MAD1L1: variants seen among roughly 807,000 people sequenced by gnomAD.
The protein encoded by MAD1L1 is mitotic arrest deficient 1 like 1.
A neutral mutation model predicts 96.9 loss-of-function variants in MAD1L1; 95 were observed. The observed-to-expected ratio is 0.98, with a 90% confidence interval of 0.83 to 1.16. The LOEUF (loss-of-function observed/expected upper bound fraction) is 1.16. MAD1L1 is among the 50% of genes most tolerant of loss of function. MAD1L1 has a pLI of 0.00. For synonymous variants in MAD1L1, 473 were observed against 396.6 expected (o/e 1.19, Z -2.29); for missense variants, 1,007 against 954.4 (o/e 1.06, Z -0.73).
chr7:1,921,834 A>T (rs992138990), intron 17 of MAD1L1, among the ~76,000 whole-genome samples: 10 of 152,230 alleles, frequency 6.6e-5, no homozygotes, highest in Non-Finnish European at 1.0e-4. Flanking sequence ...CTGGAAAAAA[A>T]ATCAATTTAG....
chr7:1,850,230 C>A (rs747958118), intron 18 of MAD1L1, among the ~76,000 whole-genome samples: 1 of 152,144 alleles, frequency 6.6e-6, no homozygotes, highest in Non-Finnish European at 1.5e-5. Context: ...CAGGACGGAA[C>A]CGACAGGCGC....
chr7:2,154,520 T>C (rs1789729146), intron 10 of MAD1L1, among the ~76,000 whole-genome samples: 1 of 152,154 alleles, frequency 6.6e-6, no homozygotes, highest in South Asian at 2.1e-4. Flanking sequence ...TGATAAATAC[T>C]CAAAGTGATG....
intron 14 of MAD1L1, among the ~76,000 whole-genome samples, chr7:1,983,767 A>G (rs1385490644): frequency 6.6e-6 from 1 of 152,210 alleles, no homozygotes. Flanking sequence ...TGCTCAGTCA[A>G]TAGCTCCAGG....
At chr7:2,220,874 T>G in intron 5 of MAD1L1, 1 of 1,604,762 alleles carries the variant, frequency 6.2e-7, no homozygotes, top group Non-Finnish European at 8.5e-7. Flanking sequence ...CGAACTCAAT[T>G]AATACGCACC....
At chr7:1,956,811 C>A (rs1779747958) in intron 16 of MAD1L1, among the ~76,000 whole-genome samples, 1 of 152,270 alleles carries the variant, frequency 6.6e-6, no homozygotes, top group African/African-American at 2.4e-5. Flanking sequence ...CCACACCCCT[C>A]ACCTCATTCA....
intron 18 of MAD1L1, among the ~76,000 whole-genome samples, chr7:1,839,020 C>T (rs1287018810): frequency 6.6e-6 from 1 of 152,174 alleles, no homozygotes; most frequent in African/African-American, 2.4e-5. Flanking sequence ...CCAGTCCCAG[C>T]TCATATGGCC....
At chr7:1,989,901 G>A (rs1162747460) in intron 14 of MAD1L1, among the ~76,000 whole-genome samples, 1 of 152,206 alleles carries the variant, frequency 6.6e-6, no homozygotes, top group Non-Finnish European at 1.5e-5. Flanking sequence ...TCATGCTAAT[G>A]GTCCTTGTGG....
intron 18 of MAD1L1, among the ~76,000 whole-genome samples, chr7:1,826,873 C>T (rs952546071): frequency 6.6e-5 from 10 of 152,182 alleles, no homozygotes; most frequent in Non-Finnish European, 1.0e-4. Context: ...TTTATCTTCC[C>T]GGCGAGGGTG....
At chr7:2,174,184 C>T (rs191052196) in intron 10 of MAD1L1, among the ~76,000 whole-genome samples, 71 of 152,290 alleles carry the variant, frequency 4.7e-4, no homozygotes, top group African/African-American at 1.6e-3. Flanking sequence ...CTCTCTCATG[C>T]GACTGTTAGT....
At chr7:2,160,876 TATATTGC>T (rs1790075309) in intron 10 of MAD1L1, among the ~76,000 whole-genome samples, 1 of 152,140 alleles carries the variant, frequency 6.6e-6, no homozygotes, top group Non-Finnish European at 1.5e-5. Flanking sequence ...ATTGCAACCT[TATATTGC>T]AGAATCAGGT....
chr7:2,142,868 T>G lies in MAD1L1; in HGVS notation c.1073+6284A>C, dbSNP rs547518212. Among the ~76,000 whole-genome samples, 2 of 152,314 alleles carry G rather than the reference T, an allele frequency of 1.3e-5. No homozygotes were observed. Among genetic ancestry groups the G allele is most frequent in the East Asian group, 3.9e-4 (2 of 5,178 alleles). ...CAGGCCAGAACTGGCCATCCCGATG[T>G]GCTCTCTCACCCACACTGATCCACG... On this transcript the variant is annotated intron_variant, in intron 11 of 18. Coordinates refer to ENST00000265854, the MANE Select transcript of MAD1L1 (RefSeq NM_001013836.2). The surrounding 1 kb of genome is among the most constrained non-coding windows in gnomAD (Gnocchi z 4.7).
chr7:1,939,025 G>GCACACACA (rs1562542997), intron 16 of MAD1L1, among the ~76,000 whole-genome samples: 5 of 95,962 alleles, frequency 5.2e-5, no homozygotes, highest in African/African-American at 2.3e-4. Context: ...ACACACACAT[G>GCACACACA]GGCCAGGGCT....
intron 18 of MAD1L1, among the ~76,000 whole-genome samples, chr7:1,873,177 A>G (rs1481043697): frequency 6.6e-6 from 1 of 152,148 alleles, no homozygotes; most frequent in Non-Finnish European, 1.5e-5. Context: ...GTCCCTTTTC[A>G]TAAGGGGGGC....
rs1429636500 is a variant in MAD1L1 at position 2,146,236 on chromosome 7, G to A, written c.1073+2916C>T. Among the ~76,000 whole-genome samples, 2 of 152,166 alleles carry A rather than the reference G, an allele frequency of 1.3e-5. No individual in the cohort carries two copies. The highest frequency in any genetic ancestry group is 1.9e-4 in the East Asian group (1 of 5,198). On this transcript the variant is annotated intron_variant, in intron 11 of 18. Coordinates refer to ENST00000265854, the MANE Select transcript of MAD1L1 (RefSeq NM_001013836.2). The surrounding 1 kb of genome is among the most constrained non-coding windows in gnomAD (Gnocchi z 6.2). Reference sequence around the variant, plus strand: ...CCAGCGGCACCGTCACAGCAGCACCGCCTGGAAGAGGGAGCACCGGGCACT... The same window carrying A: ...CCAGCGGCACCGTCACAGCAGCACCACCTGGAAGAGGGAGCACCGGGCACT...
At chr7:2,032,411 G>T (rs1222684988) in intron 12 of MAD1L1, among the ~76,000 whole-genome samples, 1 of 152,216 alleles carries the variant, frequency 6.6e-6, no homozygotes, top group African/African-American at 2.4e-5. Flanking sequence ...CCAGCCCTGG[G>T]CTCTAATAGC....
intron 11 of MAD1L1, among the ~76,000 whole-genome samples, chr7:2,073,693 G>A (rs943284646): frequency 6.6e-6 from 1 of 152,220 alleles, no homozygotes; most frequent in African/African-American, 2.4e-5. Flanking sequence ...CGTGTGTTCT[G>A]CAGCACCCCA....
intron 18 of MAD1L1, among the ~76,000 whole-genome samples, chr7:1,882,172 C>G (rs939166407): frequency 5.3e-5 from 8 of 152,310 alleles, no homozygotes; most frequent in African/African-American, 1.9e-4. Flanking sequence ...CACCTTACTG[C>G]AAGTACCCCA....
chr7:2,061,994 A>C (rs575827798), intron 12 of MAD1L1, among the ~76,000 whole-genome samples: 2 of 152,172 alleles, frequency 1.3e-5, no homozygotes, highest in African/African-American at 2.4e-5. Context: ...TAATCCCAGC[A>C]CTTTGGGAGG....
intron 12 of MAD1L1, among the ~76,000 whole-genome samples, chr7:2,036,410 C>T (rs564273103): frequency 1.3e-5 from 2 of 152,344 alleles, no homozygotes; most frequent in South Asian, 2.1e-4. Flanking sequence ...GCGCCACCTC[C>T]GTGCGGGGAA....
Sources: allele counts gnomAD v4.1 joint callset (sites outside exome capture counted in the v4.1 genomes callset), GRCh38; gene constraint gnomAD v4.1.1; non-coding constraint Gnocchi (gnomAD v3.1); transcripts MANE v1.5; gene names NCBI Gene and HGNC (gene_info 2026-07-23, HGNC 2026-07-21).